GNAS-AS1: variants seen among roughly 807,000 people sequenced by gnomAD.
GNAS-AS1 encodes the protein GNAS antisense RNA 1 (non-protein coding).
At chr20:58,844,859 C>T (rs1159856741) in intron 2 of GNAS-AS1, among the ~76,000 whole-genome samples, 1 of 151,984 alleles carries the variant, frequency 6.6e-6, no homozygotes, top group East Asian at 1.9e-4. Flanking sequence ...AAAAAAGCAC[C>T]AGCTAGGAAG....
At chr20:58,830,309 A>AT (rs2085549543) in intron 4 of GNAS-AS1, among the ~76,000 whole-genome samples, 2 of 138,336 alleles carry the variant, frequency 1.4e-5, no homozygotes, top group Non-Finnish European at 3.1e-5. Flanking sequence ...CATCACCACC[A>AT]CCACCACACC....
In GNAS-AS1 at chr20:58,840,050, G is replaced by A. The variant is rs140203361; in HGVS notation, n.819+1887C>T. On this transcript the variant is annotated intron_variant and non_coding_transcript_variant, in intron 4 of 4. Coordinates refer to ENST00000424094, the Ensembl canonical transcript of GNAS-AS1. This position sits in a 1 kb window ranked among gnomAD's most constrained non-coding sequence, Gnocchi z 6.0. The stretch of plus-strand genomic sequence containing the variant: ...CGGCTCCAGCAGCCAATGTGCTTCG[G>A]AGCCACTCTCTGCAGAGCCAGAGGG... The A allele has an allele frequency of 5.8e-5, 93 of 1,593,622 alleles. 1 individual carries two copies. In the Middle Eastern group the frequency reaches 1.9e-3, roughly 32 times the overall value.
chr20:58,842,080 T>C (rs907096149), exon 4 of GNAS-AS1: 23 of 412,020 alleles, frequency 5.6e-5, no homozygotes, highest in Non-Finnish European at 9.2e-5. Flanking sequence ...GGCGGCGTGC[T>C]CCGGCCATTT....
chr20:58,826,879 T>TTTTTTTTTTTTTA (rs2085524763), intron 4 of GNAS-AS1: 1 of 143,110 alleles, frequency 7.0e-6, no homozygotes, highest in Non-Finnish European at 1.5e-5. Flanking sequence ...TTTTTTTTTT[T>TTTTTTTTTTTTTA]TTTTTGTATT....
At position 58,840,643 on chromosome 20, in the gene GNAS-AS1, G is replaced by A. The variant is rs181594534; in HGVS notation, n.819+1294C>T. ...CCGACGCCTCCCCAAGTCGCGCGCC[G>A]CCCAGCACTCAGGAGCCCCAGAGCC... On this transcript the variant is annotated intron_variant and non_coding_transcript_variant, in intron 4 of 4. Transcript: ENST00000424094. This position sits in a 1 kb window ranked among gnomAD's most constrained non-coding sequence, Gnocchi z 6.0. 2.7e-4 allele frequency: 431 copies of A among 1,606,386 alleles called. 4 individuals carry two copies. In the South Asian group the frequency reaches 4.4e-3, roughly 16 times the overall value.
At position 58,841,369 on chromosome 20, in the gene GNAS-AS1, A is replaced by C. The variant is rs1412097949; in HGVS notation, n.819+568T>G. On this transcript the variant is annotated intron_variant and non_coding_transcript_variant, in intron 4 of 4. Coordinates refer to ENST00000424094, the Ensembl canonical transcript of GNAS-AS1. The surrounding 1 kb of genome is among the most constrained non-coding windows in gnomAD (Gnocchi z 5.0). ...CAGCCGCGCTGTAGAGACACCGTTGAAATGTGCGGAAAGTAATCTGAATGG... is the reference window on the plus strand; with the variant it reads ...CAGCCGCGCTGTAGAGACACCGTTGCAATGTGCGGAAAGTAATCTGAATGG... The C allele has an allele frequency of 9.8e-7, 1 of 1,024,478 alleles. No individual in the cohort carries two copies. Among genetic ancestry groups the C allele is most frequent in the African/African-American group, 1.7e-5 (1 of 58,060 alleles). 63.5% of individuals were successfully genotyped at this position (1,024,478 alleles called of 1,614,324 possible).
At chr20:58,825,025 C>T (rs2085510498) in intron 4 of GNAS-AS1, among the ~76,000 whole-genome samples, 1 of 152,190 alleles carries the variant, frequency 6.6e-6, no homozygotes, top group South Asian at 2.1e-4. Context: ...GGACACAGCT[C>T]TACCGACTGT....
Position 58,841,298 on chromosome 20 carries a change from A to T in GNAS-AS1, n.819+639T>A. On this transcript the variant is annotated intron_variant and non_coding_transcript_variant, in intron 4 of 4. Transcript: ENST00000424094. The surrounding 1 kb of genome is among the most constrained non-coding windows in gnomAD (Gnocchi z 5.0). ...AATAAGTTGGCCTTCTCAGGTGTCC[A>T]AAATGTGGTTCGGAGGTGCGCGCGC... 1 of 1,069,348 alleles carries T rather than the reference A, an allele frequency of 9.4e-7. No individual in the cohort carries two copies. Among genetic ancestry groups the T allele is most frequent in the Non-Finnish European group, 1.1e-6 (1 of 881,572 alleles). 66.2% of individuals were successfully genotyped at this position (1,069,348 alleles called of 1,614,324 possible).
At chr20:58,830,606 TCACCACC>T (rs2085561529) in intron 4 of GNAS-AS1, among the ~76,000 whole-genome samples, 6 of 61,044 alleles carry the variant, frequency 9.8e-5, no homozygotes, top group Non-Finnish European at 1.7e-4. Context: ...ACCACCACCA[TCACCACC>T]ACACCACCAT....
In GNAS-AS1 at chr20:58,841,688, T is replaced by TAAGG. The variant is rs754100857; in HGVS notation, n.819+245_819+248dup. 2,858 of 1,192,522 alleles carry TAAGG rather than the reference T, an allele frequency of 2.4e-3. 11 individuals are homozygous for TAAGG. Among genetic ancestry groups the TAAGG allele is most frequent in the South Asian group, 2.6e-3 (59 of 23,126 alleles). The allele number at this position is 1,192,522 out of a possible 1,614,324, so 73.9% of individuals were successfully genotyped here. A position where few individuals can be genotyped will look rare whatever the true frequency, so the allele number is the denominator to read the frequency against. ...GTACCTGGGGGAAAGGTAGAGGAGG[T>TAAGG]AAGGGGACCCTTGGGGATGCCCCTA... On this transcript the variant is annotated intron_variant and non_coding_transcript_variant, in intron 4 of 4. Coordinates refer to ENST00000424094, the Ensembl canonical transcript of GNAS-AS1. This position sits in a 1 kb window ranked among gnomAD's most constrained non-coding sequence, Gnocchi z 5.0.
At chr20:58,826,813 C>A (rs1446967682) in intron 4 of GNAS-AS1, 1 of 150,024 alleles carries the variant, frequency 6.7e-6, no homozygotes, top group African/African-American at 2.5e-5. Context: ...AATTCGCCTG[C>A]CTCAGCCTCC....
chr20:58,821,118 C>T (rs1419379199), intron 4 of GNAS-AS1, among the ~76,000 whole-genome samples: 1 of 152,232 alleles, frequency 6.6e-6, no homozygotes, highest in Non-Finnish European at 1.5e-5. Flanking sequence ...GACCCCAGTG[C>T]CATGGCCGTG....
In GNAS-AS1 at chr20:58,828,857, C is replaced by T. The variant is rs1054794238; in HGVS notation, n.820-9602G>A. Among the ~76,000 whole-genome samples the T allele has an allele frequency of 1.4e-3, 200 of 147,570 alleles. 1 individual carries two copies. The highest frequency in any genetic ancestry group is 1.7e-3 in the Non-Finnish European group (116 of 66,710). ...AACATGGCAGAGCTCCTGGCCCCAC[C>T]GCCCCACTCAACATGGCAGAGCTCC... On this transcript the variant is annotated intron_variant and non_coding_transcript_variant, in intron 4 of 4. Transcript: ENST00000424094.
chr20:58,842,598 A>C, intron 2 of GNAS-AS1: 1 of 398,338 alleles, frequency 2.5e-6, no homozygotes, highest in Middle Eastern at 6.3e-4. Flanking sequence ...TGCGACAGCA[A>C]TGTTAGTCTC....
chr20:58,840,633 G>A lies in GNAS-AS1; in HGVS notation n.819+1304C>T, dbSNP rs1410367487. 1.2e-6 allele frequency: 2 copies of A among 1,606,434 alleles called. No individual in the cohort carries two copies. The highest frequency in any genetic ancestry group is 1.7e-5 in the Admixed American group (1 of 59,858). On this transcript the variant is annotated intron_variant and non_coding_transcript_variant, in intron 4 of 4. Coordinates refer to ENST00000424094, the Ensembl canonical transcript of GNAS-AS1. The surrounding 1 kb of genome is among the most constrained non-coding windows in gnomAD (Gnocchi z 6.0). ...TTGCGAAGCCCCGACGCCTCCCCAA[G>A]TCGCGCGCCGCCCAGCACTCAGGAG... is the stretch of plus-strand genomic sequence containing the variant.
At chr20:58,824,767 C>T (rs1392795947) in intron 4 of GNAS-AS1, among the ~76,000 whole-genome samples, 3 of 152,172 alleles carry the variant, frequency 2.0e-5, no homozygotes, top group African/African-American at 2.4e-5. Context: ...TTTTATCATG[C>T]ATGCATTACT....
intron 4 of GNAS-AS1, among the ~76,000 whole-genome samples, chr20:58,819,993 C>T (rs902329754): frequency 3.3e-5 from 5 of 152,244 alleles, no homozygotes; most frequent in South Asian, 2.1e-4. Context: ...AATGCTCATC[C>T]GTACTGCCTC....
chr20:58,823,142 T>C (rs1412356501), intron 4 of GNAS-AS1, among the ~76,000 whole-genome samples: 10 of 152,198 alleles, frequency 6.6e-5, no homozygotes, highest in Non-Finnish European at 1.5e-4. Flanking sequence ...CAAATCCCCC[T>C]GCCCCTCCAT....
chr20:58,826,621 T>C (rs1600644226), intron 4 of GNAS-AS1: 1 of 152,388 alleles, frequency 6.6e-6, no homozygotes, highest in African/African-American at 2.4e-5. Flanking sequence ...GAGAGATACA[T>C]GATTTATAAT....
Sources: allele counts gnomAD v4.1 joint callset (sites outside exome capture counted in the v4.1 genomes callset), GRCh38; gene constraint gnomAD v4.1.1; non-coding constraint Gnocchi (gnomAD v3.1); transcripts MANE v1.5; gene names NCBI Gene and HGNC (gene_info 2026-07-23, HGNC 2026-07-21).